The following ABCG2 variants were observed in gnomAD, a reference collection of about 807,000 sequenced individuals.
The protein encoded by ABCG2 is ATP binding cassette subfamily G member 2 (JR blood group).
In ABCG2, 80 loss-of-function variants were observed where a neutral mutation model predicts 73.5. That is an observed-to-expected ratio of 1.09 (90% CI 0.91 to 1.31). The LOEUF (loss-of-function observed/expected upper bound fraction) is 1.31. Ranked by LOEUF, ABCG2 falls within the 50% of genes most tolerant of loss-of-function variation. ABCG2 has a pLI of 0.00. For synonymous variants in ABCG2, 269 were observed against 282.4 expected, an observed-to-expected ratio of 0.95 and a Z score of 0.48; for missense variants, 796 against 786.2, an observed-to-expected ratio of 1.01 and a Z score of -0.15.
chr4:88,144,224 G>C (rs1240994643), intron 1 of ABCG2, among the ~76,000 whole-genome samples: 1 of 152,124 alleles, frequency 6.6e-6, no homozygotes, highest in Admixed American at 6.6e-5. Flanking sequence ...TTAAGTGAAA[G>C]GAAGCCTTCA....
intron 1 of ABCG2, among the ~76,000 whole-genome samples, chr4:88,165,233 T>G (rs938401620): frequency 1.3e-5 from 2 of 152,222 alleles, no homozygotes; most frequent in African/African-American, 4.8e-5. Flanking sequence ...TTCTATTCGT[T>G]TTCTATTGCT....
chr4:88,214,117 A>G (rs528614394), intron 1 of ABCG2, among the ~76,000 whole-genome samples: 10 of 150,782 alleles, frequency 6.6e-5, no homozygotes, highest in African/African-American at 2.4e-4. Flanking sequence ...CCTCCTAAGT[A>G]AGTGGGACTA....
At chr4:88,215,468 G>A (rs1729775514) in intron 1 of ABCG2, among the ~76,000 whole-genome samples, 2 of 152,120 alleles carry the variant, frequency 1.3e-5, no homozygotes, top group African/African-American at 2.4e-5. Context: ...GACTCTTTTG[G>A]GAGGATTCAA....
intron 13 of ABCG2, among the ~76,000 whole-genome samples, chr4:88,095,895 A>T (rs1721951915): frequency 6.6e-6 from 1 of 152,146 alleles, no homozygotes; most frequent in South Asian, 2.1e-4. Flanking sequence ...AAGACTATGT[A>T]CTCAACTTTA....
At chr4:88,107,147 C>T in intron 10 of ABCG2, 37 bp downstream of exon 10, 1 of 1,432,994 alleles carries the variant, frequency 7.0e-7, no homozygotes, top group Non-Finnish European at 9.7e-7. Flanking sequence ...AAGAAAGTAA[C>T]AGCATTTTCT....
intron 2 of ABCG2, among the ~76,000 whole-genome samples, chr4:88,138,413 C>A (rs1358158753): frequency 6.6e-6 from 1 of 152,092 alleles, no homozygotes; most frequent in Non-Finnish European, 1.5e-5. Flanking sequence ...TATCTTCTTC[C>A]CCCTGCAGAG....
chr4:88,149,032 T>A (rs796216508), intron 1 of ABCG2, among the ~76,000 whole-genome samples: 2 of 152,266 alleles, frequency 1.3e-5, no homozygotes, highest in African/African-American at 4.8e-5. Flanking sequence ...CTGCAGGAAT[T>A]CTGCTCGTCT....
At position 88,191,682 on chromosome 4, in the gene ABCG2, T is replaced by A. The variant is rs578029609; in HGVS notation, c.-20+39312A>T. ...AAATGTTTTACAGTAGCATTATCCA[T>A]GGCAGCTAAAAATTGGAAACCTGAA... On this transcript the variant is annotated intron_variant, in intron 1 of 15. Coordinates refer to the ABCG2 transcript ENST00000515655. 6.9e-4 allele frequency among the ~76,000 whole-genome samples: 105 copies of A among 152,266 alleles called. 1 individual carries two copies. The highest frequency in any genetic ancestry group is 6.5e-4 in the African/African-American group (27 of 41,546).
At chr4:88,121,550 A>G in intron 6 of ABCG2, 85 bp downstream of exon 6, 6 of 1,288,252 alleles carry the variant, frequency 4.7e-6, no homozygotes, top group Non-Finnish European at 6.3e-6. Context: ...TACTTTGATC[A>G]TTTCTGAACC....
chr4:88,150,449 A>C (rs764082376), intron 1 of ABCG2, among the ~76,000 whole-genome samples: 4 of 152,192 alleles, frequency 2.6e-5, no homozygotes, highest in Non-Finnish European at 5.9e-5. Context: ...ATAAGAGAGC[A>C]GGAACTCGGG....
At chr4:88,150,316 G>C (rs1439496260) in intron 1 of ABCG2, among the ~76,000 whole-genome samples, 1 of 152,174 alleles carries the variant, frequency 6.6e-6, no homozygotes, top group Non-Finnish European at 1.5e-5. Flanking sequence ...GTCACGGAAG[G>C]CCTTTCCAGT....
intron 14 of ABCG2, 50 bp downstream of exon 14, chr4:88,095,470 T>C (rs760419355): frequency 2.6e-6 from 4 of 1,514,280 alleles, no homozygotes; most frequent in Non-Finnish European, 3.7e-6. Flanking sequence ...TTGATTTCCA[T>C]TGTTCCTAGC....
chr4:88,191,326 A>G (rs1347176870), intron 1 of ABCG2, among the ~76,000 whole-genome samples: 2 of 151,606 alleles, frequency 1.3e-5, no homozygotes, highest in Admixed American at 1.3e-4. Context: ...CCTAAGATAT[A>G]TGAATGGCCA....
At chr4:88,188,359 G>A (rs537530190) in intron 1 of ABCG2, among the ~76,000 whole-genome samples, 55 of 151,840 alleles carry the variant, frequency 3.6e-4, no homozygotes, top group East Asian at 2.7e-3. Context: ...ATGCCCATAC[G>A]ACACTATTTT....
At chr4:88,167,873 C>T (rs1727602487) in intron 1 of ABCG2, among the ~76,000 whole-genome samples, 2 of 152,096 alleles carry the variant, frequency 1.3e-5, no homozygotes, top group South Asian at 4.1e-4. Flanking sequence ...CTTTAGAATT[C>T]TGCCTATCCT....
chr4:88,118,217 G>T lies in ABCG2; in HGVS notation c.733C>A (p.Pro245Thr), dbSNP rs1386203299. The T allele has an allele frequency of 6.2e-7, 1 of 1,614,174 alleles. No homozygotes were observed. Among genetic ancestry groups the T allele is most frequent in the East Asian group, 2.2e-5 (1 of 44,874 alleles). ...GRTIIFSIHQ[P>T]RYSIFKLFDS... ...AACAACTTGAAGATGGAATATCGAG[G>T]CTGATGAATGGAGAAGATGATTGTT... is the stretch of plus-strand genomic sequence containing the variant. Residue 245 changes from proline to threonine, a missense_variant, in exon 7 of 16, where the codon CCT (proline) becomes ACT (threonine). Pro to Thr is a conservative substitution (Grantham distance 38, BLOSUM62 -1). Coordinates refer to ENST00000237612, the MANE Select transcript of ABCG2 (RefSeq NM_004827.3).
chr4:88,150,567 G>A (rs1170453787), intron 1 of ABCG2, among the ~76,000 whole-genome samples: 3 of 152,196 alleles, frequency 2.0e-5, no homozygotes, highest in Admixed American at 1.3e-4. Flanking sequence ...TAAAGCAGGA[G>A]TGTCCAATCT....
chr4:88,136,439 C>T (rs1413362309), intron 2 of ABCG2, among the ~76,000 whole-genome samples: 1 of 152,138 alleles, frequency 6.6e-6, no homozygotes, highest in Non-Finnish European at 1.5e-5. Flanking sequence ...TGGAACTGCT[C>T]GCTGTGCCAA....
chr4:88,140,259 T>G (rs1487491693), intron 1 of ABCG2, among the ~76,000 whole-genome samples: 1 of 152,118 alleles, frequency 6.6e-6, no homozygotes, highest in Non-Finnish European at 1.5e-5. Flanking sequence ...AAATGGGTCC[T>G]AATAAGTAAA....
Sources: gnomAD v4.1 joint callset for allele counts (sites outside exome capture counted in the v4.1 genomes callset) on GRCh38, gnomAD v4.1.1 for gene constraint, MANE v1.5 for transcripts, NCBI Gene and HGNC (gene_info 2026-07-23, HGNC 2026-07-21) for gene names.